The following SCGB2B2 variants were observed in gnomAD, a reference collection of about 807,000 sequenced individuals.
The protein encoded by SCGB2B2 is secretoglobin family 2B member 2.
A neutral mutation model predicts 7.6 loss-of-function variants in SCGB2B2; 11 were observed. The observed-to-expected ratio is 1.45, with a 90% CI of 0.91 to 2.40. SCGB2B2 has a LOEUF of 2.40. Ranked by LOEUF, SCGB2B2 falls within the 30% of genes most tolerant of loss-of-function variation. The pLI, the probability that SCGB2B2 is intolerant of heterozygous loss-of-function variation, is 0.00. For missense variants in SCGB2B2, 104 were observed against 115.4 expected (o/e 0.90, Z 0.45); for synonymous variants, 50 against 48.6 (o/e 1.03, Z -0.12).
At chr19:34,616,844 T>A (rs2066096775) in intron 1 of SCGB2B2, among the ~76,000 whole-genome samples, 1 of 152,098 alleles carries the variant, frequency 6.6e-6, no homozygotes, top group Admixed American at 6.5e-5. Context: ...CTTTAATCCA[T>A]CTTGAATTAA....
chr19:34,600,451 A>T (rs76262407), intron 1 of SCGB2B2, among the ~76,000 whole-genome samples: 2,969 of 152,256 alleles, frequency 0.02, 44 homozygotes, highest in East Asian at 0.066. Context: ...CATATTCTTG[A>T]CTATCCTAGG....
In SCGB2B2 at chr19:34,593,293, C is replaced by G. The variant is rs139133134; in HGVS notation, c.*262G>C. Reference sequence around the variant, plus strand: ...CAAGATCGCGCCAATGCACTCCAGCCACCCTCCTCCCCGCCAAAAAGAAAA... The same window carrying G: ...CAAGATCGCGCCAATGCACTCCAGCGACCCTCCTCCCCGCCAAAAAGAAAA... On this transcript the variant is annotated 3_prime_UTR_variant, in exon 4 of 4. Coordinates refer to ENST00000601241, the MANE Select transcript of SCGB2B2 (RefSeq NM_001025591.4). The G allele has an allele frequency of 1.4e-4, 56 of 409,830 alleles. 1 individual carries two copies. The East Asian group carries it at 2.1e-3, about 16-fold the overall frequency. 25.4% of individuals were successfully genotyped at this position (409,830 alleles called of 1,614,324 possible).
At chr19:34,660,109 C>G (rs928965000) in intron 1 of SCGB2B2, among the ~76,000 whole-genome samples, 8 of 152,296 alleles carry the variant, frequency 5.3e-5, no homozygotes, top group Non-Finnish European at 1.0e-4. Context: ...GGATCCCTTC[C>G]TTACACCTTA....
At chr19:34,675,214 A>T in intron 1 of SCGB2B2, among the ~76,000 whole-genome samples, 1 of 152,230 alleles carries the variant, frequency 6.6e-6, no homozygotes, top group East Asian at 1.9e-4. Context: ...GTAGGAGTGA[A>T]AATTGGTACA....
intron 1 of SCGB2B2, among the ~76,000 whole-genome samples, chr19:34,612,557 CTG>C (rs2065961994): frequency 6.6e-6 from 1 of 152,164 alleles, no homozygotes; most frequent in Non-Finnish European, 1.5e-5. Context: ...TACTGTCACT[CTG>C]TTGTGCTATC....
chr19:34,645,713 G>A (rs1272257618), intron 1 of SCGB2B2: 6 of 410,668 alleles, frequency 1.5e-5, no homozygotes, highest in Non-Finnish European at 3.0e-5. Context: ...AATCTGCAGC[G>A]TCCAGCTGGG....
At chr19:34,663,783 A>T (rs1429568175) in intron 1 of SCGB2B2, among the ~76,000 whole-genome samples, 1 of 152,104 alleles carries the variant, frequency 6.6e-6, no homozygotes, top group Non-Finnish European at 1.5e-5. Flanking sequence ...AGTGAAGGGG[A>T]GGATAAATGA....
At chr19:34,618,987 C>A (rs906736094) in intron 1 of SCGB2B2, among the ~76,000 whole-genome samples, 1 of 152,190 alleles carries the variant, frequency 6.6e-6, no homozygotes, top group Non-Finnish European at 1.5e-5. Flanking sequence ...ACATGGCAAA[C>A]AGGTTCAGCC....
intron 1 of SCGB2B2, among the ~76,000 whole-genome samples, chr19:34,639,672 A>ACAC (rs1014573413): frequency 2.0e-5 from 3 of 152,102 alleles, no homozygotes; most frequent in Non-Finnish European, 4.4e-5. Flanking sequence ...TTCTGCTCAA[A>ACAC]CACCACCAGG....
chr19:34,665,535 T>C (rs2067591259), intron 1 of SCGB2B2, among the ~76,000 whole-genome samples: 1 of 152,186 alleles, frequency 6.6e-6, no homozygotes, highest in Non-Finnish European at 1.5e-5. Flanking sequence ...GGTCATGTCA[T>C]GCAGGTGACC....
rs1202730947 is a variant in SCGB2B2 at position 34,634,942 on chromosome 19, G to T, written c.-2031-38348C>A. ...TCTGTGCACTCACAGCCTTTCACCA[G>T]TGTGAACTCTCTGATGTGCAGTAAG... On this transcript the variant is annotated intron_variant, in intron 1 of 3. Coordinates refer to ENST00000601241, the MANE Select transcript of SCGB2B2 (RefSeq NM_001025591.4). 1.1e-5 allele frequency: 3 copies of T among 274,614 alleles called. No individual in the cohort carries two copies. In the East Asian group the frequency reaches 3.1e-4, roughly 28 times the overall value. 17.0% of individuals were successfully genotyped at this position (274,614 alleles called of 1,614,324 possible).
chr19:34,647,797 G>C (rs973083817), intron 1 of SCGB2B2, among the ~76,000 whole-genome samples: 5 of 152,224 alleles, frequency 3.3e-5, no homozygotes, highest in Non-Finnish European at 7.3e-5. Context: ...AGAACCACAA[G>C]GACCACCCAA....
intron 1 of SCGB2B2, among the ~76,000 whole-genome samples, chr19:34,622,271 T>C (rs2066261853): frequency 6.6e-6 from 1 of 152,232 alleles, no homozygotes; most frequent in African/African-American, 2.4e-5. Flanking sequence ...ACTGAATGTC[T>C]TTCCTATGGG....
intron 1 of SCGB2B2, among the ~76,000 whole-genome samples, chr19:34,631,263 A>AAAAAACTTCTCTT (rs1288018213): frequency 1.3e-5 from 2 of 152,138 alleles, no homozygotes; most frequent in Non-Finnish European, 2.9e-5. Context: ...TTAAAGTGTA[A>AAAAAACTTCTCTT]TAAAAAAAGA....
chr19:34,643,670 T>C (rs1320531417), intron 1 of SCGB2B2, among the ~76,000 whole-genome samples: 2 of 152,118 alleles, frequency 1.3e-5, no homozygotes, highest in Non-Finnish European at 2.9e-5. Flanking sequence ...TGTAACAAAA[T>C]ACCTCATGTA....
intron 1 of SCGB2B2, among the ~76,000 whole-genome samples, chr19:34,670,571 T>C (rs534282502): frequency 2.1e-4 from 32 of 152,354 alleles, no homozygotes; most frequent in African/African-American, 7.5e-4. Context: ...CTTTTGCCCA[T>C]TTAAACTTTT....
intron 1 of SCGB2B2, among the ~76,000 whole-genome samples, chr19:34,614,888 A>G (rs2066028798): frequency 6.6e-6 from 1 of 152,204 alleles, no homozygotes; most frequent in Non-Finnish European, 1.5e-5. Context: ...TGTTATCAAT[A>G]ACTATGAGTG....
chr19:34,616,926 C>CATTT (rs1033573839), intron 1 of SCGB2B2, among the ~76,000 whole-genome samples: 88 of 152,276 alleles, frequency 5.8e-4, no homozygotes, highest in African/African-American at 2.0e-3. Context: ...TTCCCAGCAC[C>CATTT]ATTTATTAAA....
intron 1 of SCGB2B2, among the ~76,000 whole-genome samples, chr19:34,621,334 A>G (rs1049983306): frequency 1.3e-5 from 2 of 152,186 alleles, no homozygotes; most frequent in African/African-American, 2.4e-5. Flanking sequence ...AGGGCCTAAT[A>G]AACAGGCATA....
Sources: allele counts gnomAD v4.1 joint callset (sites outside exome capture counted in the v4.1 genomes callset), GRCh38; gene constraint gnomAD v4.1.1; transcripts MANE v1.5; gene names NCBI Gene and HGNC (gene_info 2026-07-23, HGNC 2026-07-21).